JAKMIP1: variants seen among roughly 807,000 people sequenced by gnomAD.
JAKMIP1 encodes janus kinase and microtubule-interacting protein 1.
A neutral mutation model predicts 113.0 loss-of-function variants in JAKMIP1; 33 were observed. The ratio of observed to expected loss-of-function variants is 0.29; its 90% CI spans 0.22 to 0.39. The LOEUF (loss-of-function observed/expected upper bound fraction) is 0.39. JAKMIP1 is among the 10% of genes least tolerant of loss of function. JAKMIP1 has a pLI of 1.00. For synonymous variants in JAKMIP1, 480 were observed against 459.9 expected, an observed-to-expected ratio of 1.04 and a Z score of -0.56; for missense variants, 813 against 1,080.5, an observed-to-expected ratio of 0.75 and a Z score of 3.47.
Position 6,092,320 on chromosome 4 carries a change from C to T in JAKMIP1, c.625-6691G>A, listed in dbSNP as rs549953709. Among the ~76,000 whole-genome samples, 22 of 152,294 alleles carry T rather than the reference C, an allele frequency of 1.4e-4. 1 individual carries two copies. Among genetic ancestry groups the T allele is most frequent in the African/African-American group, 5.1e-4 (21 of 41,560 alleles). On this transcript the variant is annotated intron_variant, in intron 3 of 20. Transcript: ENST00000409021. ...CAGCTCTCTGAAGTCATTCACTTTC[C>T]CTAGATCTCCTTCCTGTGCTACAAA...
intron 16 of JAKMIP1, among the ~76,000 whole-genome samples, chr4:6,043,794 C>G (rs867750294): frequency 6.6e-6 from 1 of 151,684 alleles, no homozygotes; most frequent in South Asian, 2.1e-4. Context: ...CACACATGGG[C>G]TCATGGAACA....
intron 2 of JAKMIP1, among the ~76,000 whole-genome samples, chr4:6,110,303 G>C (rs1714708272): frequency 6.6e-6 from 1 of 152,120 alleles, no homozygotes; most frequent in South Asian, 2.1e-4. Context: ...GACACAGGGA[G>C]AAGGCGGCCG....
intron 5 of JAKMIP1, among the ~76,000 whole-genome samples, chr4:6,083,556 A>C (rs1257965935): frequency 6.6e-6 from 1 of 151,996 alleles, no homozygotes; most frequent in Non-Finnish European, 1.5e-5. Context: ...GCTTATAAAT[A>C]TTTAAATGAA....
chr4:6,070,384 C>A (rs1403959842), intron 8 of JAKMIP1, among the ~76,000 whole-genome samples: 1 of 152,236 alleles, frequency 6.6e-6, no homozygotes, highest in Non-Finnish European at 1.5e-5. Context: ...CCAGAAGACG[C>A]ACCTTCAGTA....
At chr4:6,098,824 G>A (rs765717637) in intron 3 of JAKMIP1, among the ~76,000 whole-genome samples, 9 of 152,288 alleles carry the variant, frequency 5.9e-5, no homozygotes, top group Non-Finnish European at 1.0e-4. Context: ...GGCTCCTGCC[G>A]CTTCCTGATC....
chr4:6,102,356 G>A (rs1713184692), intron 3 of JAKMIP1, among the ~76,000 whole-genome samples: 1 of 152,148 alleles, frequency 6.6e-6, no homozygotes, highest in Non-Finnish European at 1.5e-5. Context: ...ATTAGGAGAT[G>A]GGGTCTTTAA....
At chr4:6,082,921 C>T (rs1163773105) in intron 5 of JAKMIP1, among the ~76,000 whole-genome samples, 1 of 151,882 alleles carries the variant, frequency 6.6e-6, no homozygotes, top group Non-Finnish European at 1.5e-5. Context: ...TCTCTAAGCA[C>T]TGATGGGGAG....
intron 18 of JAKMIP1, among the ~76,000 whole-genome samples, chr4:6,037,467 G>C (rs1713654576): frequency 8.0e-6 from 1 of 125,420 alleles, no homozygotes; most frequent in Admixed American, 7.7e-5. Flanking sequence ...CTCCATCACT[G>C]AGGCAGAGGC....
At chr4:6,027,260 C>G (rs371461505) in intron 20 of JAKMIP1, among the ~76,000 whole-genome samples, 2 of 152,156 alleles carry the variant, frequency 1.3e-5, no homozygotes, top group Non-Finnish European at 2.9e-5. Flanking sequence ...CTTCTCCCCC[C>G]CAAAACAAGG....
rs1276868395 is a variant in JAKMIP1 at position 6,051,448 on chromosome 4, G to A, written c.1807-769C>T. Among the ~76,000 whole-genome samples, 8 of 152,124 alleles carry A rather than the reference G, an allele frequency of 5.3e-5. No individual in the cohort carries two copies. Among genetic ancestry groups the A allele is most frequent in the Admixed American group, 5.2e-4 (8 of 15,274 alleles). On this transcript the variant is annotated intron_variant, in intron 13 of 20. Transcript: ENST00000409021. The surrounding 1 kb of genome is among the most constrained non-coding windows in gnomAD (Gnocchi z 5.0). ...AGACGGGGTTTCACCATGTTGGCCA[G>A]GCTGGTCTTGAACTCCAGAGACCTC...
rs370379960 is a variant in JAKMIP1, at chr4:6,026,866, ATTTTTTT to A, written c.2446-595_2446-589del. Among the ~76,000 whole-genome samples, 449 of 140,606 alleles carry A rather than the reference ATTTTTTT, an allele frequency of 3.2e-3. 1 individual carries two copies. The highest frequency in any genetic ancestry group is 0.011 in the Middle Eastern group (3 of 278). The allele number at this position is 140,606 out of a possible 152,430, so 92.2% of individuals were successfully genotyped here. A position where few individuals can be genotyped will look rare whatever the true frequency, so the allele number is the denominator to read the frequency against. ...TTAAAACATTATGGAATTTCTTTGC[ATTTTTTT>A]TTTTTTTTTTTTTTAGCTCACCAGC... is the stretch of plus-strand genomic sequence containing the variant. On this transcript the variant is annotated intron_variant, in intron 20 of 20. Coordinates refer to ENST00000409021, the MANE Select transcript of JAKMIP1 (RefSeq NM_001099433.2).
chr4:6,037,745 C>A (rs1334611650), intron 18 of JAKMIP1, among the ~76,000 whole-genome samples: 1 of 139,342 alleles, frequency 7.2e-6, no homozygotes, highest in East Asian at 2.2e-4. Flanking sequence ...GAGGCAGAGG[C>A]TAACTGGTAG....
chr4:6,038,711 A>T (rs969787408), intron 18 of JAKMIP1, among the ~76,000 whole-genome samples: 2 of 152,198 alleles, frequency 1.3e-5, no homozygotes, highest in Non-Finnish European at 2.9e-5. Flanking sequence ...GGGGAACTAG[A>T]AGGCTGGAAT....
Position 6,054,083 on chromosome 4 carries a change from G to A in JAKMIP1, c.1773C>T (p.Asn591=), listed in dbSNP as rs1026593073. The part of the protein sequence containing the change: ...KNEMQDAKDQ[N]ELLEFRVLEL... The stretch of plus-strand genomic sequence containing the variant: ...CTAGCACTCTGAATTCTAACAGCTC[G>A]TTCTGATCCTTGGCGTCTTGCATTT... Residue 591 remains asparagine, a synonymous_variant, in exon 13 of 21, where the codon AAC becomes AAT. Transcript: ENST00000409021. 1.6e-5 allele frequency: 26 copies of A among 1,613,830 alleles called. No individual in the cohort carries two copies. Among genetic ancestry groups the A allele is most frequent in the Middle Eastern group, 1.6e-4 (1 of 6,084 alleles).
At chr4:6,033,570 A>G (rs1234197964) in intron 19 of JAKMIP1, among the ~76,000 whole-genome samples, 3 of 152,200 alleles carry the variant, frequency 2.0e-5, no homozygotes, top group African/African-American at 4.8e-5. Context: ...GATTGTACCC[A>G]TTCTACAGAC....
chr4:6,039,579 T>C (rs1237522196), intron 18 of JAKMIP1, among the ~76,000 whole-genome samples: 1 of 152,152 alleles, frequency 6.6e-6, no homozygotes, highest in African/African-American at 2.4e-5. Flanking sequence ...GGAGAATGTC[T>C]CCATTCGTTA....
chr4:6,063,354 A>G (rs1717585757), intron 9 of JAKMIP1, among the ~76,000 whole-genome samples: 1 of 152,216 alleles, frequency 6.6e-6, no homozygotes, highest in African/African-American at 2.4e-5. Flanking sequence ...TGGCTGGGAA[A>G]AAGCAAACTG....
At chr4:6,091,283 G>T (rs1390055492) in intron 3 of JAKMIP1, among the ~76,000 whole-genome samples, 2 of 152,164 alleles carry the variant, frequency 1.3e-5, no homozygotes, top group African/African-American at 4.8e-5. Context: ...AAATGGAAAC[G>T]GAGCCTTTGT....
At chr4:6,107,707 G>A (rs570786839) in intron 2 of JAKMIP1, among the ~76,000 whole-genome samples, 5 of 152,130 alleles carry the variant, frequency 3.3e-5, no homozygotes, top group Non-Finnish European at 7.4e-5. Context: ...CCCCACAACC[G>A]CATAAGCCGA....
Sources: allele counts gnomAD v4.1 joint callset (sites outside exome capture counted in the v4.1 genomes callset), GRCh38; gene constraint gnomAD v4.1.1; non-coding constraint Gnocchi (gnomAD v3.1); transcripts MANE v1.5; gene names NCBI Gene and HGNC (gene_info 2026-07-23, HGNC 2026-07-21).